The following HMGCLL1 variants were observed in gnomAD, a reference collection of about 807,000 sequenced individuals.
HMGCLL1 encodes the protein 3-hydroxy-3-methylglutaryl-CoA lyase like 1, also known as 3-hydroxymethyl-3-methylglutaryl-CoA lyase, cytoplasmic.
Under a neutral mutation model 39.1 loss-of-function variants are expected in HMGCLL1, and 36 were observed. The observed-to-expected ratio is 0.92, with a 90% CI of 0.71 to 1.22. The LOEUF is 1.22. Ranked by LOEUF, HMGCLL1 falls within the 50% of genes most tolerant of loss-of-function variation. The pLI is 0.00. For synonymous variants in HMGCLL1, 149 were observed against 144.0 expected, an observed-to-expected ratio of 1.03 and a Z score of -0.25; for missense variants, 451 against 416.5, an observed-to-expected ratio of 1.08 and a Z score of -0.72.
At chr6:55,537,849 G>A (rs1769119148) in intron 3 of HMGCLL1, among the ~76,000 whole-genome samples, 1 of 152,130 alleles carries the variant, frequency 6.6e-6, no homozygotes, top group Non-Finnish European at 1.5e-5. Flanking sequence ...TTTGAGCCTT[G>A]GAAGAGTTCA....
intron 7 of HMGCLL1, among the ~76,000 whole-genome samples, chr6:55,477,368 A>ATATATATTATATAAATATAATATATATT (rs1183222176): frequency 1.3e-4 from 3 of 23,940 alleles, no homozygotes; most frequent in Admixed American, 8.0e-4. Flanking sequence ...ATATTATATT[A>ATATATATTATATAAATATAATATATATT]ATATAATATA....
chr6:55,520,923 A>T (rs1255178256), intron 3 of HMGCLL1, among the ~76,000 whole-genome samples: 2 of 152,024 alleles, frequency 1.3e-5, no homozygotes, highest in African/African-American at 4.8e-5. Flanking sequence ...TGTTTTAAGC[A>T]TGCACATTTT....
intron 6 of HMGCLL1, among the ~76,000 whole-genome samples, chr6:55,497,023 G>A (rs1581858031): frequency 6.6e-6 from 1 of 151,968 alleles, no homozygotes; most frequent in Admixed American, 6.6e-5. Flanking sequence ...AATATTTCTG[G>A]TCTAATTTAT....
the HMGCLL1 span, among the ~76,000 whole-genome samples, chr6:55,676,896 C>A: frequency 6.6e-6 from 1 of 152,216 alleles, no homozygotes; most frequent in Non-Finnish European, 1.5e-5. Flanking sequence ...GGGAAAAATA[C>A]TTTACTTGCT....
intron 1 of HMGCLL1, among the ~76,000 whole-genome samples, chr6:55,576,109 T>C (rs909093798): frequency 6.6e-6 from 1 of 152,214 alleles, no homozygotes; most frequent in Non-Finnish European, 1.5e-5. Flanking sequence ...CAATTAAATA[T>C]CAAGTAATCA....
the HMGCLL1 span, among the ~76,000 whole-genome samples, chr6:55,603,064 A>T: frequency 6.6e-6 from 1 of 152,102 alleles, no homozygotes; most frequent in Non-Finnish European, 1.5e-5. Context: ...GACTGGGGAA[A>T]TAGTATAAAA....
intron 1 of HMGCLL1, among the ~76,000 whole-genome samples, chr6:55,577,477 A>C (rs1771817372): frequency 6.6e-6 from 1 of 152,212 alleles, no homozygotes; most frequent in Non-Finnish European, 1.5e-5. Flanking sequence ...AAAAGTCTTC[A>C]TTAAGCTGAT....
At chr6:55,663,317 A>G in the HMGCLL1 span, among the ~76,000 whole-genome samples, 2 of 150,120 alleles carry the variant, frequency 1.3e-5, no homozygotes, top group Non-Finnish European at 3.0e-5. Context: ...TGATATGTGT[A>G]TATAGTGCTA....
At chr6:55,510,941 G>A (rs1028699000) in intron 5 of HMGCLL1, among the ~76,000 whole-genome samples, 23 of 151,634 alleles carry the variant, frequency 1.5e-4, no homozygotes, top group Non-Finnish European at 2.8e-4. Context: ...GTGAGCATGT[G>A]ATTAATGTCA....
At chr6:55,617,676 G>C in the HMGCLL1 span, among the ~76,000 whole-genome samples, 1 of 152,100 alleles carries the variant, frequency 6.6e-6, no homozygotes, top group African/African-American at 2.4e-5. Context: ...TCCGCTGCTG[G>C]TGGAATTGTA....
At chr6:55,446,089 A>G (rs2127385037) in intron 7 of HMGCLL1, among the ~76,000 whole-genome samples, 2 of 152,018 alleles carry the variant, frequency 1.3e-5, no homozygotes, top group South Asian at 2.1e-4. Context: ...AATAAATAAA[A>G]GTCCTGTAGC....
the HMGCLL1 span, among the ~76,000 whole-genome samples, chr6:55,655,275 T>C: frequency 6.6e-6 from 1 of 151,886 alleles, no homozygotes; most frequent in African/African-American, 2.4e-5. Flanking sequence ...AAAAATTACA[T>C]CAATTTACTC....
At chr6:55,535,718 G>A (rs58660660) in intron 3 of HMGCLL1, among the ~76,000 whole-genome samples, 3,880 of 152,184 alleles carry the variant, frequency 0.025, 161 homozygotes, top group African/African-American at 0.089. Flanking sequence ...GAACCTCTTT[G>A]GGAAGGTGAC....
chr6:55,627,721 A>T, the HMGCLL1 span, among the ~76,000 whole-genome samples: 1 of 147,628 alleles, frequency 6.8e-6, no homozygotes, highest in Non-Finnish European at 1.5e-5. Context: ...CTAGCCTCCC[A>T]GCCTACATCT....
At chr6:55,562,989 A>AAT (rs1335388470) in intron 1 of HMGCLL1, among the ~76,000 whole-genome samples, 3 of 152,036 alleles carry the variant, frequency 2.0e-5, no homozygotes, top group African/African-American at 7.2e-5. Flanking sequence ...TCCATATATA[A>AAT]ATATATATAT....
chr6:55,552,832 T>C (rs1270767535), intron 1 of HMGCLL1, among the ~76,000 whole-genome samples: 1 of 151,830 alleles, frequency 6.6e-6, no homozygotes, highest in Non-Finnish European at 1.5e-5. Context: ...GAAGGAAATC[T>C]TACAAAAGTT....
the HMGCLL1 span, among the ~76,000 whole-genome samples, chr6:55,652,719 G>A: frequency 6.6e-6 from 1 of 152,036 alleles, no homozygotes; most frequent in African/African-American, 2.4e-5. Context: ...GCCTTCACAA[G>A]TCACATGCAA....
intron 5 of HMGCLL1, among the ~76,000 whole-genome samples, chr6:55,510,064 A>T (rs1002169851): frequency 1.3e-5 from 2 of 152,002 alleles, no homozygotes; most frequent in African/African-American, 4.8e-5. Context: ...AAAAAATTCA[A>T]CCAGTTACAA....
the HMGCLL1 span, among the ~76,000 whole-genome samples, chr6:55,620,089 G>T: frequency 3.3e-5 from 5 of 152,170 alleles, no homozygotes; most frequent in African/African-American, 1.2e-4. Flanking sequence ...TTCATTTGTT[G>T]ATGGACACTT....
Sources: gnomAD v4.1 joint callset for allele counts (sites outside exome capture counted in the v4.1 genomes callset) on GRCh38, gnomAD v4.1.1 for gene constraint, MANE v1.5 for transcripts, NCBI Gene and HGNC (gene_info 2026-07-23, HGNC 2026-07-21) for gene names.